NTRK1: variants seen among roughly 807,000 people sequenced by gnomAD.
NTRK1 encodes high affinity nerve growth factor receptor.
Under a neutral mutation model 86.8 loss-of-function variants are expected in NTRK1, and 62 were observed. The ratio of observed to expected loss-of-function variants is 0.71; its 90% CI spans 0.58 to 0.88. The LOEUF is 0.88. NTRK1 is among the 40% of genes least tolerant of loss of function. The pLI, the probability that NTRK1 is intolerant of heterozygous loss-of-function variation, is 0.00. For synonymous variants in NTRK1, 469 were observed against 456.6 expected (o/e 1.03, Z -0.35); for missense variants, 967 against 1,078.4 (o/e 0.90, Z 1.45).
chr1:156,841,237 A>G, intron 1 of NTRK1: 1 of 894,242 alleles, frequency 1.1e-6, no homozygotes, highest in African/African-American at 1.7e-5. Context: ...AAGGGATTAA[A>G]TGGGAGTCTT....
In NTRK1 at chr1:156,821,489, GTGTGTA is replaced by G. The variant is rs1429453182; in HGVS notation, c.-64+5658_-64+5663del. Among the ~76,000 whole-genome samples the G allele has an allele frequency of 2.0e-3, 280 of 142,962 alleles. 2 individuals carry two copies. Among genetic ancestry groups the G allele is most frequent in the African/African-American group, 6.5e-3 (260 of 39,830 alleles). 93.8% of individuals were successfully genotyped at this position (142,962 alleles called of 152,430 possible). A position where few individuals can be genotyped will look rare whatever the true frequency, so the allele number is the denominator to read the frequency against. On this transcript the variant is annotated intron_variant, in intron 1 of 16. Transcript: ENST00000392302. ...TGTGTGTGTGTGTGTGTGTGTGTGT[GTGTGTA>G]TGTGTAGGGGGTTGAGATGTCAGAA...
chr1:156,847,560 G>C (rs760498430), intron 2 of NTRK1, among the ~76,000 whole-genome samples: 2 of 152,160 alleles, frequency 1.3e-5, no homozygotes, highest in African/African-American at 4.8e-5. Flanking sequence ...CTGAGCCAGG[G>C]ACAAAACTTG....
chr1:156,853,767 T>C, intron 2 of NTRK1: 1 of 1,601,148 alleles, frequency 6.2e-7, no homozygotes, highest in Non-Finnish European at 8.5e-7. Flanking sequence ...TGGCAGTGGC[T>C]GGAGGTCCAG....
chr1:156,876,461 C>G lies in NTRK1; in HGVS notation c.1694C>G (p.Thr565Ser), dbSNP rs1647917871. Reference sequence around the variant, plus strand: ...TTCCAGCGTGAGGCTGAGCTGCTCACCATGCTGCAGCACCAGCACATCGTG... The same window carrying G: ...TTCCAGCGTGAGGCTGAGCTGCTCAGCATGCTGCAGCACCAGCACATCGTG... Reference protein sequence around the residue: ...QDFQREAELLTMLQHQHIVRF... With the variant: ...QDFQREAELLSMLQHQHIVRF... The change falls in exon 14 of 17, where the codon ACC becomes AGC. Residue 565 changes from threonine to serine, a missense_variant. Thr to Ser is a moderately conservative substitution (Grantham distance 58). Coordinates refer to ENST00000524377, the MANE Select transcript of NTRK1 (RefSeq NM_002529.4). 6.2e-7 allele frequency: 1 copy of G among 1,613,734 alleles called. No individual in the cohort carries two copies. Among genetic ancestry groups the G allele is most frequent in the African/African-American group, 1.3e-5 (1 of 74,930 alleles).
intron 7 of NTRK1, among the ~76,000 whole-genome samples, chr1:156,872,028 A>G (rs1290065181): frequency 6.6e-6 from 1 of 151,922 alleles, no homozygotes; most frequent in African/African-American, 2.4e-5. Flanking sequence ...GGCTGTTCCC[A>G]CTGCTCCGAA....
intron 2 of NTRK1, chr1:156,845,541 A>ACCCCC: frequency 2.3e-6 from 3 of 1,288,340 alleles, no homozygotes; most frequent in Non-Finnish European, 3.2e-6. Context: ...CCACCCACAA[A>ACCCCC]CCCCACCCCT....
chr1:156,821,011 C>T (rs989660537), intron 1 of NTRK1, among the ~76,000 whole-genome samples: 16 of 152,118 alleles, frequency 1.1e-4, no homozygotes, highest in Middle Eastern at 6.8e-3. Flanking sequence ...TTGTAGAGTT[C>T]CTTGTAGTTT....
intron 2 of NTRK1, chr1:156,842,206 G>A (rs746766711): frequency 2.9e-5 from 46 of 1,613,916 alleles, no homozygotes; most frequent in Admixed American, 5.0e-5. Context: ...AGGCCATGCC[G>A]TCTGCAATCT....
At chr1:156,853,679 T>A in intron 2 of NTRK1, 1 of 1,444,042 alleles carries the variant, frequency 6.9e-7, no homozygotes, top group South Asian at 1.3e-5. Context: ...ACCCACACCA[T>A]CCTGTGGCCA....
At chr1:156,846,204 C>T in intron 2 of NTRK1, 1 of 1,373,016 alleles carries the variant, frequency 7.3e-7, no homozygotes, top group Non-Finnish European at 9.8e-7. Flanking sequence ...TTCTGGGGTC[C>T]AACAGCCTTG....
intron 1 of NTRK1, among the ~76,000 whole-genome samples, chr1:156,817,768 G>A (rs1165954896): frequency 1.3e-5 from 2 of 151,232 alleles, no homozygotes; most frequent in Admixed American, 6.6e-5. Context: ...TCAGCCTCCC[G>A]AGTAGCTGGG....
Position 156,842,147 on chromosome 1 carries a change from C to T in NTRK1, c.4C>T (p.Gln2Ter), listed in dbSNP as rs2102853615. 6.2e-7 allele frequency: 1 copy of T among 1,614,042 alleles called. No individual in the cohort carries two copies. Among genetic ancestry groups the T allele is most frequent in the Non-Finnish European group, 8.5e-7 (1 of 1,179,996 alleles). The stretch of plus-strand genomic sequence containing the variant: ...GACGGTGAAGTCCTGGGACACCATG[C>T]AGTTGCGGGCTGCTAGATCTCGGTG... The change falls in exon 2 of 17, where the codon CAG (glutamine) becomes TAG (stop). Residue 2 changes from glutamine to a stop codon, truncating the protein, a stop_gained. Coordinates refer to the NTRK1 transcript ENST00000392302. LOFTEE classifies it high-confidence loss of function.
chr1:156,830,313 C>T (rs959733541), intron 1 of NTRK1, among the ~76,000 whole-genome samples: 4 of 152,216 alleles, frequency 2.6e-5, no homozygotes, highest in Admixed American at 2.6e-4. Context: ...GCTGAGCCCT[C>T]CATGACAGTG....
chr1:156,819,735 T>G (rs1180140184), intron 1 of NTRK1, among the ~76,000 whole-genome samples: 2 of 152,052 alleles, frequency 1.3e-5, no homozygotes, highest in African/African-American at 4.8e-5. Context: ...GTCAGGCTGG[T>G]CTGGAACTCC....
chr1:156,863,298 A>T (rs529039389), intron 1 of NTRK1, among the ~76,000 whole-genome samples: 1 of 151,448 alleles, frequency 6.6e-6, no homozygotes, highest in Non-Finnish European at 1.5e-5. Context: ...CTTGCCTGTC[A>T]CTATCTCTCT....
intron 1 of NTRK1, chr1:156,840,809 A>G (rs1025528165): frequency 7.8e-7 from 1 of 1,279,978 alleles, no homozygotes; most frequent in Non-Finnish European, 1.1e-6. Flanking sequence ...CAGGCGTCTC[A>G]GCCACAGAGG....
upstream of NTRK1, chr1:156,860,852 C>A (rs1655603325): frequency 3.6e-6 from 5 of 1,375,404 alleles, no homozygotes; most frequent in South Asian, 1.7e-5. Context: ...CACCGCCCAG[C>A]GCACATGTCG....
At position 156,846,787 on chromosome 1, in the gene NTRK1, C is replaced by T. The variant is rs375873401; in HGVS notation, c.50+4594C>T. 16 of 1,546,346 alleles carry T rather than the reference C, an allele frequency of 1.0e-5. No homozygotes were observed. The African/African-American group carries it at 2.2e-4, about 21-fold the overall frequency. ...ACACCCATCCCCAGAGCTGAGGGGTCATTCAACCCCACCCTCAAGTTCTGG... is the reference window on the plus strand; with the variant it reads ...ACACCCATCCCCAGAGCTGAGGGGTTATTCAACCCCACCCTCAAGTTCTGG... On this transcript the variant is annotated intron_variant, in intron 2 of 16. Transcript: ENST00000392302.
At chr1:156,861,816 C>T (rs1655665728) in intron 1 of NTRK1, among the ~76,000 whole-genome samples, 1 of 152,190 alleles carries the variant, frequency 6.6e-6, no homozygotes, top group South Asian at 2.1e-4. Context: ...AGTCAGGGCC[C>T]TTGCTGAGAG....
Sources: gnomAD v4.1 joint callset for allele counts (sites outside exome capture counted in the v4.1 genomes callset) on GRCh38, gnomAD v4.1.1 for gene constraint, MANE v1.5 for transcripts, NCBI Gene and HGNC (gene_info 2026-07-23, HGNC 2026-07-21) for gene names.